The following C1orf162 variants were observed in gnomAD, a reference collection of about 807,000 sequenced individuals.
The protein encoded by C1orf162 is transmembrane protein C1orf162.
In C1orf162, 10 loss-of-function variants were observed where a neutral mutation model predicts 11.4. The ratio of observed to expected loss-of-function variants is 0.88; its 90% confidence interval spans 0.54 to 1.48. The LOEUF (loss-of-function observed/expected upper bound fraction) is 1.48. Among genes scored for constraint, C1orf162 ranks in the 40% most tolerant of loss-of-function variants. C1orf162 has a pLI of 0.00. For synonymous variants in C1orf162, 53 were observed against 55.0 expected, an observed-to-expected ratio of 0.96 and a Z score of 0.16; for missense variants, 140 against 149.5, an observed-to-expected ratio of 0.94 and a Z score of 0.33.
Position 111,477,978 on chromosome 1 carries a change from T to C in C1orf162, c.253-5T>C, listed in dbSNP as rs1463540352. 6.2e-7 allele frequency: 1 copy of C among 1,614,202 alleles called. No homozygotes were observed. Among genetic ancestry groups the C allele is most frequent in the Non-Finnish European group, 8.5e-7 (1 of 1,180,028 alleles). ...CACTCATTCCTCCTTTTTCTCCCTC[T>C]GCAGCTTTCATCCATCCCAGGGGAA... is the stretch of plus-strand genomic sequence containing the variant. On this transcript the variant is annotated splice_region_variant and splice_polypyrimidine_tract_variant and intron_variant, in intron 5 of 5. Coordinates refer to ENST00000369718, the MANE Select transcript of C1orf162 (RefSeq NM_001300834.2).
At chr1:111,474,538 C>T (rs1653931543) in intron 1 of C1orf162, 1 of 152,158 alleles carries the variant, frequency 6.6e-6, no homozygotes, top group South Asian at 2.1e-4. Context: ...CTCTGTTTAG[C>T]ACCAGCATAT....
chr1:111,477,625 C>G (rs1419091), intron 4 of C1orf162, 101 bp from the exon 5 acceptor site: 2 of 1,599,466 alleles, frequency 1.3e-6, no homozygotes, highest in Non-Finnish European at 1.7e-6. Context: ...GCCAACACCT[C>G]CTCCCCACCC....
At chr1:111,476,740 C>T (rs1207457358) in intron 2 of C1orf162, 58 bp from the exon 3 acceptor site, 2 of 1,568,460 alleles carry the variant, frequency 1.3e-6, no homozygotes. Context: ...GAAACTTAAG[C>T]TGGAAGGGTA....
intron 3 of C1orf162, chr1:111,477,069 A>G: frequency 1.5e-6 from 1 of 659,448 alleles, no homozygotes; most frequent in Non-Finnish European, 2.6e-6. Flanking sequence ...TGGATCCCCT[A>G]AGCTTATAGG....
intron 2 of C1orf162, 44 bp from the exon 3 acceptor site, chr1:111,476,754 T>C: frequency 6.3e-7 from 1 of 1,595,106 alleles, no homozygotes; most frequent in South Asian, 1.1e-5. Flanking sequence ...AAGGGTATCA[T>C]GAAAAGTGAC....
chr1:111,478,115 A>G lies in C1orf162; in HGVS notation c.385A>G (p.Thr129Ala), dbSNP rs770357917. 1.9e-6 allele frequency: 3 copies of G among 1,614,230 alleles called. No individual in the cohort carries two copies. Among genetic ancestry groups the G allele is most frequent in the Non-Finnish European group, 2.5e-6 (3 of 1,180,030 alleles). ...CATTGTCTATGCTCAAATTAAAGTAACAAACTAACTCAGCTTTTCCAATGA... is the reference window on the plus strand; with the variant it reads ...CATTGTCTATGCTCAAATTAAAGTAGCAAACTAACTCAGCTTTTCCAATGA... ...DPIVYAQIKV[T>A]N Residue 129 changes from threonine to alanine, a missense_variant, in exon 6 of 6, where the codon ACA becomes GCA. By Grantham distance (58) the Thr-to-Ala change is moderately conservative. Transcript: ENST00000369718.
intron 1 of C1orf162, chr1:111,475,488 A>G (rs1317862833): frequency 6.3e-6 from 1 of 158,724 alleles, no homozygotes; most frequent in Admixed American, 5.9e-5. Context: ...AAGGGTCTCC[A>G]AGAGCAAGTT....
rs369016615 is a variant in C1orf162, at chr1:111,478,292, T to A, written c.*169T>A. On this transcript the variant is annotated 3_prime_UTR_variant, in exon 6 of 6. Coordinates refer to ENST00000369718, the MANE Select transcript of C1orf162 (RefSeq NM_001300834.2). ...ATCCAGCATCTTTGGAGACCAATGG[T>A]CAGTCTTTTCCTGGCCAGAGGAAAG... 1.6e-4 allele frequency: 121 copies of A among 774,864 alleles called. 2 individuals are homozygous for A. In the South Asian group the frequency reaches 1.9e-3, roughly 12 times the overall value. 48.0% of individuals were successfully genotyped at this position (774,864 alleles called of 1,614,324 possible). A position where few individuals can be genotyped will look rare whatever the true frequency, so the allele number is the denominator to read the frequency against.
At position 111,477,326 on chromosome 1, in the gene C1orf162, C is replaced by T. The variant is rs1206771716; in HGVS notation, c.108-8C>T. 1 of 1,612,910 alleles carries T rather than the reference C, an allele frequency of 6.2e-7. No homozygotes were observed. Among genetic ancestry groups the T allele is most frequent in the East Asian group, 2.2e-5 (1 of 44,890 alleles). ...CAGTTCATCCCCTGCCTTTCTTTGC[C>T]AAAACAGCAAAAAACATTTAATCCT... On this transcript the variant is annotated splice_region_variant and splice_polypyrimidine_tract_variant and intron_variant, in intron 3 of 5. Coordinates refer to ENST00000369718, the MANE Select transcript of C1orf162 (RefSeq NM_001300834.2).
intron 1 of C1orf162, chr1:111,474,955 A>T (rs1653944817): frequency 6.6e-6 from 1 of 152,196 alleles, no homozygotes; most frequent in African/African-American, 2.4e-5. Flanking sequence ...TATAGAAGAA[A>T]TAACAAAGCC....
Position 111,478,187 on chromosome 1 carries a change from C to CT in C1orf162, c.*67dup. The CT allele has an allele frequency of 1.3e-6, 2 of 1,592,894 alleles. No individual in the cohort carries two copies. The highest frequency in any genetic ancestry group is 1.7e-6 in the Non-Finnish European group (2 of 1,163,466). On this transcript the variant is annotated 3_prime_UTR_variant, in exon 6 of 6. Coordinates refer to ENST00000369718, the MANE Select transcript of C1orf162 (RefSeq NM_001300834.2). ...ATCTCAGCCCTATCTTCACACATCA[C>CT]TTTCACTTTTTTACAAATTTTGGAC...
intron 3 of C1orf162, 107 bp downstream of exon 3, chr1:111,476,974 C>A: frequency 1.7e-6 from 2 of 1,207,008 alleles, no homozygotes; most frequent in Non-Finnish European, 2.5e-6. Flanking sequence ...GGAGAAAGGA[C>A]TAGAAACAGT....
At chr1:111,475,745 G>T in intron 1 of C1orf162, 1 of 377,144 alleles carries the variant, frequency 2.7e-6, no homozygotes. Flanking sequence ...GTTGGTTGGT[G>T]GGAATCAGTT....
chr1:111,478,289 TG>T lies in C1orf162; in HGVS notation c.*168del, dbSNP rs1411035818. ...GCTATCCAGCATCTTTGGAGACCAA[TG>T]GTCAGTCTTTTCCTGGCCAGAGGAA... is the stretch of plus-strand genomic sequence containing the variant. On this transcript the variant is annotated 3_prime_UTR_variant, in exon 6 of 6. Coordinates refer to ENST00000369718, the MANE Select transcript of C1orf162 (RefSeq NM_001300834.2). 2.5e-6 allele frequency: 2 copies of T among 785,238 alleles called. No individual in the cohort carries two copies. The highest frequency in any genetic ancestry group is 1.7e-5 in the African/African-American group (1 of 57,574). The allele number at this position is 785,238 out of a possible 1,614,324, so 48.6% of individuals were successfully genotyped here.
At chr1:111,477,605 C>G (rs757021196) in intron 4 of C1orf162, 121 bp from the exon 5 acceptor site, 1 of 1,569,216 alleles carries the variant, frequency 6.4e-7, no homozygotes, top group Non-Finnish European at 8.7e-7. Flanking sequence ...GCCCTGCCCC[C>G]CACCCACCTG....
intron 4 of C1orf162, 134 bp from the exon 5 acceptor site, chr1:111,477,592 T>C: frequency 6.8e-7 from 1 of 1,475,132 alleles, no homozygotes; most frequent in South Asian, 1.2e-5. Flanking sequence ...TCATTTTTCT[T>C]CCGCCCTGCC....
In C1orf162 at chr1:111,478,218, C is replaced by G; in HGVS notation, c.*95C>G. The G allele has an allele frequency of 6.8e-7, 1 of 1,477,658 alleles. No homozygotes were observed. The highest frequency in any genetic ancestry group is 9.4e-7 in the Non-Finnish European group (1 of 1,067,908). The allele number at this position is 1,477,658 out of a possible 1,614,324, so 91.5% of individuals were successfully genotyped here. On this transcript the variant is annotated 3_prime_UTR_variant, in exon 6 of 6. Coordinates refer to ENST00000369718, the MANE Select transcript of C1orf162 (RefSeq NM_001300834.2). ...CTTTTTTACAAATTTTGGACCACCA[C>G]CTGTGTGAAACTGCAGTCGGAGTTG...
rs577383783 is a variant in C1orf162, at chr1:111,478,288, A to G, written c.*165A>G. ...TGCTATCCAGCATCTTTGGAGACCA[A>G]TGGTCAGTCTTTTCCTGGCCAGAGG... On this transcript the variant is annotated 3_prime_UTR_variant, in exon 6 of 6. Transcript: ENST00000369718. 4.8e-5 allele frequency: 38 copies of G among 790,066 alleles called. No homozygotes were observed. The highest frequency in any genetic ancestry group is 2.6e-4 in the Middle Eastern group (1 of 3,844). 48.9% of individuals were successfully genotyped at this position (790,066 alleles called of 1,614,324 possible). A position where few individuals can be genotyped will look rare whatever the true frequency, so the allele number is the denominator to read the frequency against.
chr1:111,477,360 G>T lies in C1orf162; in HGVS notation c.134G>T (p.Cys45Phe). Residue 45 changes from cysteine (C) to phenylalanine (F), a missense_variant, in exon 4 of 6, where the codon TGT (cysteine) becomes TTT (phenylalanine). Physicochemically the swap from Cys to Phe is radical, Grantham distance 205. Transcript: ENST00000369718. ...HNKKHLILAF[C>F]AGVLLTLLLI... is the part of the protein sequence containing the mutation. Reference sequence around the variant, plus strand: ...AAAAAACATTTAATCCTTGCCTTTTGTGCTGGGGTTCTACTGACACTGCTG... The same window carrying T: ...AAAAAACATTTAATCCTTGCCTTTTTTGCTGGGGTTCTACTGACACTGCTG... 1.2e-6 allele frequency: 2 copies of T among 1,614,084 alleles called. No individual in the cohort carries two copies. Among genetic ancestry groups the T allele is most frequent in the Middle Eastern group, 1.6e-4 (1 of 6,062 alleles).
Sources: allele counts gnomAD v4.1 joint callset, GRCh38; gene constraint gnomAD v4.1.1; transcripts MANE v1.5; gene names NCBI Gene and HGNC (gene_info 2026-07-23, HGNC 2026-07-21).